Variants in TRAM2 observed in about 807,000 individuals in gnomAD.
The protein encoded by TRAM2 is translocation associated membrane protein 2, also known as translocating chain-associated membrane protein 2.
Under a neutral mutation model 51.0 loss-of-function variants are expected in TRAM2, and 12 were observed. That is an observed-to-expected ratio of 0.24 (90% CI 0.15 to 0.38). The LOEUF is 0.38. Among genes scored for constraint, TRAM2 ranks in the 10% least tolerant of loss-of-function variants. TRAM2 has a pLI of 1.00. For synonymous variants in TRAM2, 175 were observed against 179.4 expected (o/e 0.98, Z 0.20); for missense variants, 361 against 462.0 (o/e 0.78, Z 2.00).
intron 1 of TRAM2, among the ~76,000 whole-genome samples, chr6:52,555,249 A>ACCCC (rs1581698754): frequency 1.1e-5 from 1 of 92,480 alleles, no homozygotes; most frequent in Non-Finnish European, 2.2e-5. Context: ...TCCCACTTCC[A>ACCCC]CCCCCACCCT....
At chr6:52,526,864 C>T (rs1393376615) in intron 2 of TRAM2, among the ~76,000 whole-genome samples, 2 of 152,186 alleles carry the variant, frequency 1.3e-5, no homozygotes, top group African/African-American at 4.8e-5. Flanking sequence ...ACATGCATTC[C>T]ATAGGCTGCC....
rs997586693 is a variant in TRAM2, at chr6:52,502,843, G to A, written c.*354C>T. The stretch of plus-strand genomic sequence containing the variant: ...AAATTGCAAGATAAGGTGAAAATAG[G>A]AAGTAAAAAGGAAAAGCAGCAGCCA... On this transcript the variant is annotated 3_prime_UTR_variant, in exon 11 of 11. Coordinates refer to ENST00000182527, the MANE Select transcript of TRAM2 (RefSeq NM_012288.4). 5.2e-5 allele frequency: 12 copies of A among 232,594 alleles called. No individual in the cohort carries two copies. Among genetic ancestry groups the A allele is most frequent in the Non-Finnish European group, 7.5e-5 (9 of 120,166 alleles). The allele number at this position is 232,594 out of a possible 1,614,324, so 14.4% of individuals were successfully genotyped here. A position where few individuals can be genotyped will look rare whatever the true frequency, so the allele number is the denominator to read the frequency against.
At chr6:52,536,932 G>C (rs1766985177) in intron 1 of TRAM2, among the ~76,000 whole-genome samples, 1 of 152,224 alleles carries the variant, frequency 6.6e-6, no homozygotes, top group Non-Finnish European at 1.5e-5. Flanking sequence ...GTGAGGGATA[G>C]GGTGGAGGAC....
chr6:52,516,812 T>C (rs762682571), intron 2 of TRAM2, 75 bp from the exon 3 acceptor site: 33 of 1,116,876 alleles, frequency 3.0e-5, no homozygotes, highest in Admixed American at 1.6e-4. Context: ...TGAAATGAGA[T>C]GGGAGGCGAA....
chr6:52,505,344 C>G (rs1766327719), intron 9 of TRAM2, among the ~76,000 whole-genome samples: 1 of 152,200 alleles, frequency 6.6e-6, no homozygotes, highest in African/African-American at 2.4e-5. Context: ...CTCTGTGCAC[C>G]ACAAAGTGCC....
intron 6 of TRAM2, among the ~76,000 whole-genome samples, chr6:52,507,946 A>G (rs1766378650): frequency 6.6e-6 from 1 of 152,234 alleles, no homozygotes; most frequent in Non-Finnish European, 1.5e-5. Flanking sequence ...ATAAAAAAAG[A>G]CTATGGAAAT....
intron 1 of TRAM2, among the ~76,000 whole-genome samples, chr6:52,554,106 G>C (rs899060866): frequency 2.3e-4 from 35 of 152,032 alleles, no homozygotes; most frequent in African/African-American, 8.2e-4. Flanking sequence ...GGCTCTCCCA[G>C]GCAATCAAGT....
At chr6:52,534,518 T>A (rs1362024249) in intron 2 of TRAM2, among the ~76,000 whole-genome samples, 1 of 152,186 alleles carries the variant, frequency 6.6e-6, no homozygotes, top group Non-Finnish European at 1.5e-5. Flanking sequence ...CTGGTGCTGG[T>A]GGCGGGATCG....
intron 1 of TRAM2, among the ~76,000 whole-genome samples, chr6:52,573,684 G>A (rs1192469518): frequency 6.6e-6 from 1 of 152,158 alleles, no homozygotes; most frequent in Non-Finnish European, 1.5e-5. Flanking sequence ...TTATCCCAAG[G>A]GAAAGAATTT....
chr6:52,575,870 C>T (rs1767754700), intron 1 of TRAM2, among the ~76,000 whole-genome samples: 1 of 152,206 alleles, frequency 6.6e-6, no homozygotes, highest in African/African-American at 2.4e-5. Flanking sequence ...GCCAAGCTTC[C>T]TCCAGTTCTT....
intron 1 of TRAM2, among the ~76,000 whole-genome samples, chr6:52,544,896 C>A (rs1178157472): frequency 6.6e-6 from 1 of 152,188 alleles, no homozygotes; most frequent in Non-Finnish European, 1.5e-5. Flanking sequence ...ACACTCCCCA[C>A]ACTTTGCCAC....
chr6:52,562,255 C>T (rs1318613668), intron 1 of TRAM2, among the ~76,000 whole-genome samples: 1 of 152,050 alleles, frequency 6.6e-6, no homozygotes, highest in Non-Finnish European at 1.5e-5. Flanking sequence ...TGGAGTATGA[C>T]GGGCTGCACA....
At chr6:52,532,683 C>T (rs1159015514) in intron 2 of TRAM2, among the ~76,000 whole-genome samples, 1 of 152,144 alleles carries the variant, frequency 6.6e-6, no homozygotes, top group Non-Finnish European at 1.5e-5. Flanking sequence ...ACCTAAATAT[C>T]CATATGGGGC....
intron 2 of TRAM2, among the ~76,000 whole-genome samples, chr6:52,525,495 G>A (rs555883915): frequency 5.3e-4 from 80 of 152,190 alleles, no homozygotes; most frequent in African/African-American, 1.7e-3. Flanking sequence ...AGGCTGTTAT[G>A]GGTTGAATTG....
At chr6:52,574,545 G>A (rs750571297) in intron 1 of TRAM2, among the ~76,000 whole-genome samples, 1 of 152,196 alleles carries the variant, frequency 6.6e-6, no homozygotes, top group Non-Finnish European at 1.5e-5. Context: ...CTGCCCTGTA[G>A]GTCCTGTAGG....
At chr6:52,573,760 C>G (rs1477487361) in intron 1 of TRAM2, among the ~76,000 whole-genome samples, 1 of 152,062 alleles carries the variant, frequency 6.6e-6, no homozygotes, top group Non-Finnish European at 1.5e-5. Flanking sequence ...AAACAGAAGC[C>G]CCCTGAATGC....
chr6:52,565,729 A>G (rs1384309641), intron 1 of TRAM2, among the ~76,000 whole-genome samples: 1 of 152,254 alleles, frequency 6.6e-6, no homozygotes, highest in Admixed American at 6.5e-5. Context: ...AGGAACTTCC[A>G]GGTGCAAACT....
chr6:52,504,458 G>C lies in TRAM2; in HGVS notation c.1039+133C>G, dbSNP rs1268876160. On this transcript the variant is annotated intron_variant, in intron 10 of 10. Transcript: ENST00000182527. ...AGGGAGCTAGGAGCCCCAGCCCTGA[G>C]GTAAGAGTCAGGAAGGAGAAGCTGG... 10 of 1,466,484 alleles carry C rather than the reference G, an allele frequency of 6.8e-6. No individual in the cohort carries two copies. The East Asian group carries it at 2.4e-4, about 35-fold the overall frequency. 90.8% of individuals were successfully genotyped at this position (1,466,484 alleles called of 1,614,324 possible).
intron 1 of TRAM2, among the ~76,000 whole-genome samples, chr6:52,565,707 G>A (rs907071910): frequency 3.0e-4 from 45 of 152,208 alleles, no homozygotes; most frequent in African/African-American, 1.0e-3. Context: ...ATTACTTACT[G>A]ACACCTTCAT....
Sources: allele counts gnomAD v4.1 joint callset (sites outside exome capture counted in the v4.1 genomes callset), GRCh38; gene constraint gnomAD v4.1.1; transcripts MANE v1.5; gene names NCBI Gene and HGNC (gene_info 2026-07-23, HGNC 2026-07-21).